The following JMJD1C variants were observed in gnomAD, a reference collection of about 807,000 sequenced individuals.
JMJD1C encodes the protein jumonji domain-containing protein 1C.
In JMJD1C, 31 loss-of-function variants were observed where a neutral mutation model predicts 245.3. The observed-to-expected ratio is 0.13, with a 90% confidence interval of 0.09 to 0.17. The LOEUF is 0.17. Ranked by LOEUF, JMJD1C falls within the 10% of genes least tolerant of loss-of-function variation. JMJD1C has a pLI of 1.00. For synonymous variants in JMJD1C, 1,057 were observed against 1,017.4 expected (o/e 1.04, Z -0.74); for missense variants, 2,691 against 3,000.2 (o/e 0.90, Z 2.41).
chr10:63,428,114 A>G (rs1950545642), intron 1 of JMJD1C, among the ~76,000 whole-genome samples: 2 of 152,180 alleles, frequency 1.3e-5, no homozygotes, highest in African/African-American at 4.8e-5. Context: ...CAAACATCAT[A>G]GATTTTATGA....
At chr10:63,210,240 A>G (rs1847160573) in intron 8 of JMJD1C, among the ~76,000 whole-genome samples, 2 of 152,162 alleles carry the variant, frequency 1.3e-5, no homozygotes. Context: ...CAATGACAAC[A>G]AAGTTTTGCT....
At chr10:63,341,125 C>CA (rs898862298) in intron 2 of JMJD1C, among the ~76,000 whole-genome samples, 2 of 152,092 alleles carry the variant, frequency 1.3e-5, no homozygotes, top group Non-Finnish European at 2.9e-5. Flanking sequence ...ATGACACAAG[C>CA]AAATATCCAT....
chr10:63,344,808 A>C (rs1943673514), intron 2 of JMJD1C, among the ~76,000 whole-genome samples: 2 of 152,216 alleles, frequency 1.3e-5, no homozygotes, highest in African/African-American at 4.8e-5. Context: ...AAAAAAATTA[A>C]ATCAATGCTG....
chr10:63,327,332 A>G (rs188790456), intron 2 of JMJD1C, among the ~76,000 whole-genome samples: 18 of 152,314 alleles, frequency 1.2e-4, no homozygotes, highest in African/African-American at 4.1e-4. Flanking sequence ...TGCTTCATCA[A>G]TGTAAATAAG....
At chr10:63,281,962 C>T (rs1042027706) in intron 2 of JMJD1C, among the ~76,000 whole-genome samples, 2 of 152,170 alleles carry the variant, frequency 1.3e-5, no homozygotes, top group African/African-American at 4.8e-5. Context: ...ACACCATCCT[C>T]AAGGAGTAGG....
chr10:63,226,973 C>G (rs1457215972), intron 3 of JMJD1C, among the ~76,000 whole-genome samples: 1 of 152,048 alleles, frequency 6.6e-6, no homozygotes, highest in African/African-American at 2.4e-5. Context: ...GAGGCTGAGG[C>G]AGGAGAATCC....
intron 20 of JMJD1C, 26 bp from the exon 21 acceptor site, chr10:63,184,764 TA>T (rs1843913925): frequency 6.3e-7 from 1 of 1,586,858 alleles, no homozygotes; most frequent in African/African-American, 1.4e-5. Context: ...ATTGCCTTCT[TA>T]TAAATAAAGA....
At position 63,208,557 on chromosome 10, in the gene JMJD1C, T is replaced by C; in HGVS notation, c.3112A>G (p.Lys1038Glu). 2 of 1,614,142 alleles carry C rather than the reference T, an allele frequency of 1.2e-6. No homozygotes were observed. Among genetic ancestry groups the C allele is most frequent in the Non-Finnish European group, 1.7e-6 (2 of 1,179,972 alleles). The part of the protein sequence containing the change: ...ESIDVAPFTT[K>E]IKGLEGEREN... ...CTCTCACCCTCAAGTCCCTTGATTT[T>C]AGTTGTAAAGGGAGCAACATCAATA... The change falls in exon 10 of 26, where the codon AAA becomes GAA. Residue 1038 changes from lysine to glutamate, a missense_variant. Lys to Glu is a moderately conservative substitution (Grantham distance 56). Coordinates refer to ENST00000399262, the MANE Select transcript of JMJD1C (RefSeq NM_032776.3).
intron 18 of JMJD1C, among the ~76,000 whole-genome samples, chr10:63,187,072 G>A (rs1184735262): frequency 6.6e-6 from 1 of 151,706 alleles, no homozygotes; most frequent in African/African-American, 2.4e-5. Context: ...TCTTAAACTT[G>A]TAACATAATT....
chr10:63,505,697 T>C (rs1247267634), intron 1 of JMJD1C, among the ~76,000 whole-genome samples: 1 of 151,880 alleles, frequency 6.6e-6, no homozygotes, highest in Admixed American at 6.6e-5. Context: ...CACAGAAGAT[T>C]TGAGCATAGG....
intron 1 of JMJD1C, among the ~76,000 whole-genome samples, chr10:63,400,561 T>C (rs10761752): frequency 0.42 from 63,981 of 151,954 alleles, 14,226 homozygotes; most frequent in South Asian, 0.53. Flanking sequence ...TTTGTTCTTT[T>C]CTGCCTTTCC....
rs112838462 is a variant in JMJD1C, at chr10:63,454,257, A to ATTT, written c.168+11235_168+11237dup. 3.6e-3 allele frequency among the ~76,000 whole-genome samples: 525 copies of ATTT among 146,100 alleles called. 3 individuals carry two copies. Among genetic ancestry groups the ATTT allele is most frequent in the South Asian group, 0.03 (139 of 4,602 alleles). On this transcript the variant is annotated intron_variant, in intron 1 of 25. Coordinates refer to ENST00000399262, the MANE Select transcript of JMJD1C (RefSeq NM_032776.3). ...ATCGGAGCTCTAAAAGGAGAAATTG[A>ATTT]TTTTTTTTTTTTTTCTTTTTCAGAC...
chr10:63,482,801 G>A (rs2133191236), intron 1 of JMJD1C, among the ~76,000 whole-genome samples: 1 of 152,294 alleles, frequency 6.6e-6, no homozygotes, highest in Admixed American at 6.5e-5. Context: ...TAAAGAAGCT[G>A]CTGTGCGTGG....
At chr10:63,434,431 T>C (rs991203292) in intron 1 of JMJD1C, among the ~76,000 whole-genome samples, 1 of 151,976 alleles carries the variant, frequency 6.6e-6, no homozygotes, top group Non-Finnish European at 1.5e-5. Context: ...TCACATGGGA[T>C]TCAGGAGCCT....
chr10:63,362,712 C>T (rs1945495383), intron 2 of JMJD1C, among the ~76,000 whole-genome samples: 1 of 151,998 alleles, frequency 6.6e-6, no homozygotes, highest in Admixed American at 6.6e-5. Context: ...AACTCCTGGG[C>T]TCAAGCAATC....
At position 63,515,387 on chromosome 10, in the gene JMJD1C, A is replaced by C. The variant is rs374508684; in HGVS notation, n.113+6351T>G. On this transcript the variant is annotated intron_variant and non_coding_transcript_variant, in intron 1 of 3. Transcript: ENST00000633035. Reference sequence around the variant, plus strand: ...CTGACAGCGTAAGAGGATTTTTCTCAAATATTTACTGTGAGGACCTGGTAG... The same window carrying C: ...CTGACAGCGTAAGAGGATTTTTCTCCAATATTTACTGTGAGGACCTGGTAG... Among the ~76,000 whole-genome samples the C allele has an allele frequency of 2.6e-5, 4 of 152,166 alleles. No individual in the cohort carries two copies. In the East Asian group the frequency reaches 5.8e-4, roughly 22 times the overall value.
At chr10:63,222,626 T>C in intron 3 of JMJD1C, 1 of 1,581,588 alleles carries the variant, frequency 6.3e-7, no homozygotes, top group African/African-American at 1.3e-5. Flanking sequence ...TGCTGAATTT[T>C]TGGACATAAT....
At chr10:63,320,571 A>T (rs1453207364) in intron 2 of JMJD1C, among the ~76,000 whole-genome samples, 2 of 152,210 alleles carry the variant, frequency 1.3e-5, no homozygotes, top group African/African-American at 2.4e-5. Flanking sequence ...TCTTTTCTCA[A>T]AACAATTCCT....
At chr10:63,516,234 G>GAAA (rs35469301) in intron 1 of JMJD1C, among the ~76,000 whole-genome samples, 1 of 139,168 alleles carries the variant, frequency 7.2e-6, no homozygotes. Context: ...GACTTTGAGG[G>GAAA]AAAAAAAAAA....
Sources: allele counts gnomAD v4.1 joint callset (sites outside exome capture counted in the v4.1 genomes callset), GRCh38; gene constraint gnomAD v4.1.1; transcripts MANE v1.5; gene names NCBI Gene and HGNC (gene_info 2026-07-23, HGNC 2026-07-21).